Variants in COMMD10 observed in about 807,000 individuals in gnomAD.
COMMD10 encodes COMM domain containing 10, also known as COMM domain-containing protein 10.
A neutral mutation model predicts 28.9 loss-of-function variants in COMMD10; 33 were observed. The ratio of observed to expected loss-of-function variants is 1.14; its 90% CI spans 0.87 to 1.53. The LOEUF is 1.53. COMMD10 is among the 40% of genes most tolerant of loss of function. The probability of loss-of-function intolerance (pLI) is 0.00; values close to 1 mark genes in which losing one functional copy is unlikely to be tolerated. For missense variants in COMMD10, 310 were observed against 233.4 expected (o/e 1.33, Z -2.14); for synonymous variants, 110 against 81.7 (o/e 1.35, Z -1.87).
chr5:116,112,344 A>T (rs1056516057), intron 4 of COMMD10, among the ~76,000 whole-genome samples: 1 of 151,950 alleles, frequency 6.6e-6, no homozygotes, highest in Non-Finnish European at 1.5e-5. Context: ...CTTTACTTTT[A>T]GTCTATGTGT....
intron 5 of COMMD10, among the ~76,000 whole-genome samples, chr5:116,198,499 T>G (rs1370186438): frequency 6.6e-6 from 1 of 152,198 alleles, no homozygotes; most frequent in Non-Finnish European, 1.5e-5. Flanking sequence ...GTGATATGTT[T>G]GTCACAATAG....
intron 5 of COMMD10, among the ~76,000 whole-genome samples, chr5:116,194,699 A>G (rs533153837): frequency 5.9e-5 from 9 of 152,142 alleles, no homozygotes; most frequent in African/African-American, 2.2e-4. Context: ...CAACAAGAGA[A>G]GTCCAGGACC....
intron 5 of COMMD10, among the ~76,000 whole-genome samples, chr5:116,138,081 C>G (rs1752082999): frequency 6.6e-6 from 1 of 151,754 alleles, no homozygotes; most frequent in Non-Finnish European, 1.5e-5. Context: ...GAAGGAAATG[C>G]TAAGTGTTTA....
At chr5:116,193,526 C>T (rs1441835045) in intron 5 of COMMD10, among the ~76,000 whole-genome samples, 2 of 152,130 alleles carry the variant, frequency 1.3e-5, no homozygotes, top group East Asian at 3.9e-4. Flanking sequence ...GGGAAAGCTA[C>T]TCTTATGTCA....
chr5:116,260,237 A>G (rs1750406501), intron 5 of COMMD10, among the ~76,000 whole-genome samples: 1 of 151,814 alleles, frequency 6.6e-6, no homozygotes, highest in African/African-American at 2.4e-5. Flanking sequence ...GAAGGGAGGA[A>G]AATGTGCTGA....
intron 5 of COMMD10, among the ~76,000 whole-genome samples, chr5:116,225,809 T>G (rs547563090): frequency 5.2e-4 from 68 of 130,914 alleles, no homozygotes; most frequent in South Asian, 3.3e-3. Flanking sequence ...TAAAATCTTG[T>G]TTTTTTTTTT....
intron 5 of COMMD10, among the ~76,000 whole-genome samples, chr5:116,202,897 C>T (rs1463107654): frequency 6.6e-6 from 1 of 152,070 alleles, no homozygotes; most frequent in Admixed American, 6.6e-5. Flanking sequence ...TTAATTAAAT[C>T]CCATTTGTCA....
At chr5:116,231,718 A>G (rs543770607) in intron 5 of COMMD10, among the ~76,000 whole-genome samples, 8 of 152,264 alleles carry the variant, frequency 5.3e-5, no homozygotes, top group African/African-American at 1.9e-4. Context: ...TAAAATTCTC[A>G]TTATAAAGTG....
chr5:116,212,836 T>C (rs1349081088), intron 5 of COMMD10, among the ~76,000 whole-genome samples: 1 of 152,100 alleles, frequency 6.6e-6, no homozygotes, highest in African/African-American at 2.4e-5. Context: ...TGGAATATTC[T>C]GTATATATCT....
chr5:116,171,369 C>T (rs1001295328), intron 5 of COMMD10, among the ~76,000 whole-genome samples: 1 of 152,184 alleles, frequency 6.6e-6, no homozygotes, highest in Non-Finnish European at 1.5e-5. Context: ...AATGCTTTTA[C>T]ACTGTTGGTG....
At chr5:116,251,692 A>G (rs1192559222) in intron 5 of COMMD10, among the ~76,000 whole-genome samples, 63 of 151,062 alleles carry the variant, frequency 4.2e-4, no homozygotes, top group Middle Eastern at 3.4e-3. Flanking sequence ...CCAGTCTATC[A>G]TTGATGGACA....
At chr5:116,090,664 A>G (rs909121670) in intron 2 of COMMD10, among the ~76,000 whole-genome samples, 1 of 152,184 alleles carries the variant, frequency 6.6e-6, no homozygotes, top group Non-Finnish European at 1.5e-5. Flanking sequence ...TGGGGCATGT[A>G]GGCAGCTTCA....
chr5:116,243,810 GA>G (rs1749872900), intron 5 of COMMD10, among the ~76,000 whole-genome samples: 1 of 152,132 alleles, frequency 6.6e-6, no homozygotes, highest in Non-Finnish European at 1.5e-5. Context: ...TAAGAGTATG[GA>G]GTGATAGGCA....
intron 5 of COMMD10, among the ~76,000 whole-genome samples, chr5:116,258,674 A>G (rs1750357096): frequency 6.6e-6 from 1 of 151,806 alleles, no homozygotes; most frequent in Non-Finnish European, 1.5e-5. Context: ...TGATATCAAT[A>G]TAATTTTTGT....
chr5:116,137,263 T>C (rs1015663342), intron 5 of COMMD10, among the ~76,000 whole-genome samples: 22 of 152,212 alleles, frequency 1.4e-4, no homozygotes, highest in African/African-American at 4.8e-4. Flanking sequence ...TTTACAAATA[T>C]GAAATGAGAA....
intron 4 of COMMD10, among the ~76,000 whole-genome samples, chr5:116,128,398 C>A: frequency 6.6e-6 from 1 of 151,526 alleles, no homozygotes; most frequent in African/African-American, 2.4e-5. Context: ...ATATTTAAAC[C>A]TAGGACATTA....
intron 5 of COMMD10, among the ~76,000 whole-genome samples, chr5:116,140,219 A>T (rs1752153904): frequency 8.6e-6 from 1 of 116,228 alleles, no homozygotes; most frequent in African/African-American, 4.9e-5. Context: ...TTCAAGGCTG[A>T]CTCATACTAC....
chr5:116,233,476 G>A (rs1411592975), intron 5 of COMMD10, among the ~76,000 whole-genome samples: 1 of 152,106 alleles, frequency 6.6e-6, no homozygotes, highest in Non-Finnish European at 1.5e-5. Context: ...TGACCCTTGT[G>A]AAGTCTGTAT....
intron 5 of COMMD10, among the ~76,000 whole-genome samples, chr5:116,206,373 G>A (rs977742622): frequency 6.6e-6 from 1 of 152,060 alleles, no homozygotes; most frequent in Non-Finnish European, 1.5e-5. Context: ...GACGGTGGTC[G>A]GGCACGGTGG....
Sources: gnomAD v4.1 joint callset for allele counts (sites outside exome capture counted in the v4.1 genomes callset) on GRCh38, gnomAD v4.1.1 for gene constraint, MANE v1.5 for transcripts, NCBI Gene and HGNC (gene_info 2026-07-23, HGNC 2026-07-21) for gene names.